DNER: variants seen among roughly 807,000 people sequenced by gnomAD.
The protein encoded by DNER is delta and Notch-like epidermal growth factor-related receptor.
In DNER, 33 loss-of-function variants were observed where a neutral mutation model predicts 78.2. The observed-to-expected ratio is 0.42, with a 90% CI of 0.32 to 0.56. DNER has a LOEUF of 0.56. Ranked by LOEUF, DNER falls within the 20% of genes least tolerant of loss-of-function variation. The pLI is 0.11. For missense variants in DNER, 918 were observed against 975.3 expected (o/e 0.94, Z 0.78); for synonymous variants, 417 against 384.8 (o/e 1.08, Z -0.98).
At chr2:229,548,393 C>T (rs10189446) in intron 4 of DNER, among the ~76,000 whole-genome samples, 1,907 of 152,240 alleles carry the variant, frequency 0.013, 16 homozygotes, top group Non-Finnish European at 0.018. Context: ...ACATATACAC[C>T]GTGGAATACC....
chr2:229,472,673 A>G (rs1362275009), intron 7 of DNER, among the ~76,000 whole-genome samples: 1 of 152,218 alleles, frequency 6.6e-6, no homozygotes, highest in Non-Finnish European at 1.5e-5. Context: ...CGAAGACAAT[A>G]AATTATTAAG....
At chr2:229,641,740 A>T (rs975512807) in intron 1 of DNER, among the ~76,000 whole-genome samples, 1 of 152,212 alleles carries the variant, frequency 6.6e-6, no homozygotes, top group African/African-American at 2.4e-5. Flanking sequence ...ATCAAAAAGG[A>T]AAAACATGAA....
At chr2:229,454,241 G>A (rs1407781644) in intron 7 of DNER, among the ~76,000 whole-genome samples, 1 of 152,204 alleles carries the variant, frequency 6.6e-6, no homozygotes, top group African/African-American at 2.4e-5. Context: ...GGGGTGGTTT[G>A]TCATGCAGCC....
intron 8 of DNER, among the ~76,000 whole-genome samples, chr2:229,440,845 C>T (rs1275971801): frequency 2.6e-5 from 4 of 152,230 alleles, no homozygotes; most frequent in Non-Finnish European, 5.9e-5. Context: ...CCGATCCTCA[C>T]ATAAACGTTT....
At chr2:229,708,151 G>T (rs558819505) in intron 1 of DNER, among the ~76,000 whole-genome samples, 24 of 152,344 alleles carry the variant, frequency 1.6e-4, no homozygotes, top group Admixed American at 6.5e-4. Flanking sequence ...GAGCCTGGCT[G>T]CCCTTCAGGC....
intron 1 of DNER, among the ~76,000 whole-genome samples, chr2:229,709,538 G>C (rs1229142186): frequency 2.0e-5 from 3 of 152,150 alleles, no homozygotes; most frequent in Non-Finnish European, 2.9e-5. Flanking sequence ...GTAGTACAAA[G>C]AACTAGAATT....
intron 5 of DNER, among the ~76,000 whole-genome samples, chr2:229,520,603 A>G (rs1368163857): frequency 6.6e-6 from 1 of 152,250 alleles, no homozygotes; most frequent in Non-Finnish European, 1.5e-5. Flanking sequence ...GAGATTTTCC[A>G]TAATAAAACA....
intron 4 of DNER, among the ~76,000 whole-genome samples, chr2:229,548,978 C>A (rs1038473078): frequency 1.6e-4 from 25 of 152,072 alleles, no homozygotes; most frequent in African/African-American, 5.8e-4. Context: ...TGCATAAAAC[C>A]AGCAAATGCT....
At chr2:229,529,319 G>A (rs1696262423) in intron 5 of DNER, among the ~76,000 whole-genome samples, 1 of 152,086 alleles carries the variant, frequency 6.6e-6, no homozygotes, top group Admixed American at 6.6e-5. Flanking sequence ...GATACTGCAA[G>A]TTTCCACTGT....
chr2:229,398,527 T>G (rs1693199227), intron 10 of DNER, among the ~76,000 whole-genome samples: 1 of 152,124 alleles, frequency 6.6e-6, no homozygotes, highest in Non-Finnish European at 1.5e-5. Flanking sequence ...ATACCAAAAC[T>G]AGACAAATAC....
chr2:229,512,702 A>G, intron 6 of DNER, 81 bp downstream of exon 6: 2 of 1,553,876 alleles, frequency 1.3e-6, no homozygotes, highest in Non-Finnish European at 8.7e-7. Context: ...CTGTTCTCCA[A>G]AAACCTTTGT....
chr2:229,663,548 G>C (rs1178553160), intron 1 of DNER, among the ~76,000 whole-genome samples: 1 of 152,188 alleles, frequency 6.6e-6, no homozygotes, highest in Non-Finnish European at 1.5e-5. Flanking sequence ...CTTTCTCAAA[G>C]AGAGATTTCA....
chr2:229,428,674 A>G lies in DNER; in HGVS notation c.1487-10444T>C, dbSNP rs529257514. Among the ~76,000 whole-genome samples, 12 of 152,114 alleles carry G rather than the reference A, an allele frequency of 7.9e-5. No homozygotes were observed. In the East Asian group the frequency reaches 2.3e-3, roughly 29 times the overall value. On this transcript the variant is annotated intron_variant, in intron 8 of 12. Coordinates refer to ENST00000341772, the MANE Select transcript of DNER (RefSeq NM_139072.4). ...CCCAGAAAAACGGAAGTGATTTGAA[A>G]AAAAAAAAAATCAGTTCATTTTAAT...
intron 5 of DNER, among the ~76,000 whole-genome samples, chr2:229,516,785 T>TAAAAAAAAAAAAAAAA (rs796603043): frequency 1.2e-5 from 1 of 83,878 alleles, no homozygotes; most frequent in Non-Finnish European, 2.8e-5. Context: ...ACGCTGTCTC[T>TAAAAAAAAAAAAAAAA]AAAAAAAAAA....
intron 4 of DNER, among the ~76,000 whole-genome samples, chr2:229,572,494 T>G (rs1262126793): frequency 6.6e-6 from 1 of 152,174 alleles, no homozygotes; most frequent in Admixed American, 6.5e-5. Context: ...CATCTCCCAG[T>G]CAAATTCTTT....
chr2:229,520,184 G>C (rs1447777339), intron 5 of DNER, among the ~76,000 whole-genome samples: 1 of 152,174 alleles, frequency 6.6e-6, no homozygotes, highest in Non-Finnish European at 1.5e-5. Context: ...AGTCTTGCGG[G>C]AGAGTTCTGC....
rs1699960802 is a variant in DNER, at chr2:229,714,346, C to G, written c.78G>C (p.Ala26=). 8.0e-7 allele frequency: 1 copy of G among 1,246,126 alleles called. No homozygotes were observed. Among genetic ancestry groups the G allele is most frequent in the Non-Finnish European group, 1.0e-6 (1 of 999,974 alleles). 77.2% of individuals were successfully genotyped at this position (1,246,126 alleles called of 1,614,324 possible). A position where few individuals can be genotyped will look rare whatever the true frequency, so the allele number is the denominator to read the frequency against. Residue 26 remains alanine (A), a synonymous_variant, in exon 1 of 13, where the codon GCG becomes GCC. Transcript: ENST00000341772. ...TGGCCAGGGAGCTGCCTCGGGGCCC[C>G]GCTCCGAGCAGCAGCAGCAGCAGGG... ...ALALLLLLLG[A]GPRGSSLANP... is the part of the protein sequence containing the mutation.
chr2:229,614,151 C>A (rs1462632192), intron 1 of DNER, among the ~76,000 whole-genome samples: 2 of 151,504 alleles, frequency 1.3e-5, no homozygotes, highest in East Asian at 3.9e-4. Context: ...ACATTGTGCA[C>A]ATGTACCCTA....
intron 6 of DNER, among the ~76,000 whole-genome samples, chr2:229,481,245 A>G (rs1695152948): frequency 9.2e-5 from 14 of 152,218 alleles, no homozygotes; most frequent in Admixed American, 8.5e-4. Context: ...CATTCACACC[A>G]GACTCACCAA....
Sources: gnomAD v4.1 joint callset for allele counts (sites outside exome capture counted in the v4.1 genomes callset) on GRCh38, gnomAD v4.1.1 for gene constraint, MANE v1.5 for transcripts, NCBI Gene and HGNC (gene_info 2026-07-23, HGNC 2026-07-21) for gene names.